CACNA1S: variants seen among roughly 807,000 people sequenced by gnomAD.
The protein encoded by CACNA1S is voltage-dependent L-type calcium channel subunit alpha-1S.
Under a neutral mutation model 207.4 loss-of-function variants are expected in CACNA1S, and 126 were observed. That is an observed-to-expected ratio of 0.61 (90% confidence interval 0.53 to 0.70). The LOEUF is 0.70. Among genes scored for constraint, CACNA1S ranks in the 30% least tolerant of loss-of-function variants. The probability of loss-of-function intolerance (pLI) is 0.00; values close to 1 mark genes in which losing one functional copy is unlikely to be tolerated. For synonymous variants in CACNA1S, 960 were observed against 932.7 expected (o/e 1.03, Z -0.53); for missense variants, 2,349 against 2,422.8 (o/e 0.97, Z 0.64).
At position 201,043,349 on chromosome 1, in the gene CACNA1S, A is replaced by G; in HGVS notation, c.4980T>C (p.Asn1660=). Residue 1660 remains asparagine (N), a synonymous_variant, in exon 40 of 44, where the codon AAT becomes AAC. Coordinates refer to ENST00000362061, the MANE Select transcript of CACNA1S (RefSeq NM_000069.3). ...CGACATTGGCGTTGGCATTGTTGGT[A>G]TTGGCACGAGCCAGGGGGTTGGTGC... The part of the protein sequence containing the change: ...DPRTNPLARA[N]TNNANANVAY... 1 of 1,614,146 alleles carries G rather than the reference A, an allele frequency of 6.2e-7. No homozygotes were observed. Among genetic ancestry groups the G allele is most frequent in the Non-Finnish European group, 8.5e-7 (1 of 1,180,024 alleles).
intron 22 of CACNA1S, among the ~76,000 whole-genome samples, chr1:201,064,050 A>G (rs563343312): frequency 1.3e-5 from 2 of 152,266 alleles, no homozygotes; most frequent in South Asian, 2.1e-4. Context: ...AAGCATGGCG[A>G]GAGTTGGGTG....
intron 10 of CACNA1S, among the ~76,000 whole-genome samples, chr1:201,081,952 C>T (rs1267165905): frequency 2.0e-5 from 3 of 152,066 alleles, no homozygotes; most frequent in Non-Finnish European, 4.4e-5. Context: ...AGATGCCAGC[C>T]CATGTTTTCT....
chr1:201,039,549 C>A lies in CACNA1S; in HGVS notation c.*282G>T. ...CAGGCCTGGAGATTTTAATGTCCTG[C>A]AGGTGGGAGTGGCCCTAGGCCAGAC... On this transcript the variant is annotated 3_prime_UTR_variant, in exon 44 of 44. Coordinates refer to ENST00000362061, the MANE Select transcript of CACNA1S (RefSeq NM_000069.3). 1 of 534,520 alleles carries A rather than the reference C, an allele frequency of 1.9e-6. No individual in the cohort carries two copies. Among genetic ancestry groups the A allele is most frequent in the South Asian group, 2.1e-5 (1 of 47,390 alleles). The allele number at this position is 534,520 out of a possible 1,614,324, so 33.1% of individuals were successfully genotyped here. A position where few individuals can be genotyped will look rare whatever the true frequency, so the allele number is the denominator to read the frequency against.
Position 201,060,786 on chromosome 1 carries a change from G to T in CACNA1S, c.3286C>A (p.Arg1096Ser). 6.2e-7 allele frequency: 1 copy of T among 1,614,182 alleles called. No homozygotes were observed. The highest frequency in any genetic ancestry group is 8.5e-7 in the Non-Finnish European group (1 of 1,180,030). The change falls in exon 26 of 44, where the codon CGC becomes AGC. Residue 1096 changes from arginine to serine, a missense_variant. Arg to Ser is a moderately radical substitution (Grantham distance 110, BLOSUM62 -1). Coordinates refer to ENST00000362061, the MANE Select transcript of CACNA1S (RefSeq NM_000069.3). Reference protein sequence around the residue: ...RQCVQYALKARPLRCYIPKNP... With the variant: ...RQCVQYALKASPLRCYIPKNP... ...TTGGGAATGTAGCACCTCAGTGGGC[G>T]GGCCTTCAGGGCATACTGTACACAT...
Position 201,052,645 on chromosome 1 carries a change from A to C in CACNA1S, c.3865T>G (p.Phe1289Val). The C allele has an allele frequency of 6.2e-7, 1 of 1,613,316 alleles. No individual in the cohort carries two copies. The highest frequency in any genetic ancestry group is 1.1e-5 in the South Asian group (1 of 91,072). Residue 1289 changes from phenylalanine (F) to valine (V), a missense_variant, in exon 32 of 44, where the codon TTT becomes GTT. Physicochemically the swap from Phe to Val is conservative, Grantham distance 50. Transcript: ENST00000362061. ...CCATCCACCAAGGCGATCTTCCCAAACATCTGCAAGTCACAAAGGGCCCTG... is the reference window on the plus strand; with the variant it reads ...CCATCCACCAAGGCGATCTTCCCAACCATCTGCAAGTCACAAAGGGCCCTG... The part of the protein sequence containing the change: ...FIYAVIGMQM[F>V]GKIALVDGTQ...
intron 38 of CACNA1S, among the ~76,000 whole-genome samples, chr1:201,046,187 T>TTATTTATCTATC (rs1553248475): frequency 3.3e-5 from 5 of 151,856 alleles, no homozygotes; most frequent in African/African-American, 7.3e-5. Context: ...ATTTATTTAT[T>TTATTTATCTATC]TATCTATCTT....
chr1:201,057,757 T>G (rs370521927), intron 28 of CACNA1S, among the ~76,000 whole-genome samples: 4 of 152,204 alleles, frequency 2.6e-5, no homozygotes, highest in African/African-American at 9.7e-5. Context: ...AGCCCAGGAC[T>G]TGGAGACCAG....
At chr1:201,062,218 A>C in intron 23 of CACNA1S, 128 bp from the exon 24 acceptor site, 5 of 1,233,484 alleles carry the variant, frequency 4.1e-6, no homozygotes, top group Non-Finnish European at 4.6e-6. Context: ...CCAAGGGGAC[A>C]CCGCTGGGCG....
intron 19 of CACNA1S, 123 bp from the exon 20 acceptor site, chr1:201,067,116 C>T (rs1239639918): frequency 2.8e-6 from 2 of 723,970 alleles, no homozygotes; most frequent in Non-Finnish European, 5.1e-6. Flanking sequence ...TTCCAGAAAT[C>T]TCTATATTTC....
At chr1:201,060,905 G>A in intron 25 of CACNA1S, 89 bp from the exon 26 acceptor site, 1 of 1,522,878 alleles carries the variant, frequency 6.6e-7, no homozygotes, top group African/African-American at 1.4e-5. Context: ...GGGCAAGTCA[G>A]GAGCAGCTGT....
At chr1:201,069,343 C>T in intron 18 of CACNA1S, 129 bp downstream of exon 18, 1 of 1,465,418 alleles carries the variant, frequency 6.8e-7, no homozygotes, top group Non-Finnish European at 9.4e-7. Flanking sequence ...CAGTCCTATC[C>T]CTGAGGAACT....
intron 41 of CACNA1S, among the ~76,000 whole-genome samples, 176 bp downstream of exon 41, chr1:201,041,327 CT>C (rs1286635348): frequency 6.6e-6 from 1 of 152,212 alleles, no homozygotes. Context: ...TGCTTCCCCC[CT>C]GGACAAGTAG....
chr1:201,054,605 A>T, intron 28 of CACNA1S, 44 bp from the exon 29 acceptor site: 1 of 1,527,714 alleles, frequency 6.5e-7, no homozygotes, highest in Non-Finnish European at 9.0e-7. Context: ...GAGGAGAGAG[A>T]GGAGGAGGGA....
chr1:201,108,726 C>T (rs1662990821), intron 2 of CACNA1S, among the ~76,000 whole-genome samples: 1 of 152,166 alleles, frequency 6.6e-6, no homozygotes, highest in Non-Finnish European at 1.5e-5. Context: ...AGATAGATTC[C>T]CATGGAAACC....
At chr1:201,048,808 A>T in intron 35 of CACNA1S, 124 bp from the exon 36 acceptor site, 2 of 889,466 alleles carry the variant, frequency 2.2e-6, no homozygotes, top group Non-Finnish European at 3.7e-6. Flanking sequence ...TCAGCTGACC[A>T]GGACATCCTT....
intron 5 of CACNA1S, among the ~76,000 whole-genome samples, chr1:201,090,204 C>A (rs183157094): frequency 6.6e-6 from 1 of 152,282 alleles, no homozygotes; most frequent in Admixed American, 6.5e-5. Context: ...TCTGTAGGGG[C>A]CCTGACCCCA....
Position 201,062,534 on chromosome 1 carries a change from G to T in CACNA1S, c.2854-20C>A. Reference sequence around the variant, plus strand: ...CTTCCCCTGCAGCCAGGAAGAGGGAGGGAGGGAGGGAGGCATGTTGTCATG... The same window carrying T: ...CTTCCCCTGCAGCCAGGAAGAGGGATGGAGGGAGGGAGGCATGTTGTCATG... On this transcript the variant is annotated intron_variant, in intron 22 of 43. Transcript: ENST00000362061. 1 of 1,595,024 alleles carries T rather than the reference G, an allele frequency of 6.3e-7. No homozygotes were observed. Among genetic ancestry groups the T allele is most frequent in the Non-Finnish European group, 8.6e-7 (1 of 1,163,500 alleles).
intron 41 of CACNA1S, 87 bp from the exon 42 acceptor site, chr1:201,040,800 C>A (rs934415394): frequency 1.2e-5 from 12 of 1,013,324 alleles, no homozygotes; most frequent in Middle Eastern, 5.8e-4. Flanking sequence ...GGCTGGCTAG[C>A]CACACTCTGT....
intron 22 of CACNA1S, 106 bp from the exon 23 acceptor site, chr1:201,062,620 C>T: frequency 9.8e-7 from 1 of 1,016,256 alleles, no homozygotes; most frequent in Non-Finnish European, 1.5e-6. Flanking sequence ...GGAAGGCAGG[C>T]ATCTGAAAAA....
Sources: allele counts gnomAD v4.1 joint callset (sites outside exome capture counted in the v4.1 genomes callset), GRCh38; gene constraint gnomAD v4.1.1; transcripts MANE v1.5; gene names NCBI Gene and HGNC (gene_info 2026-07-23, HGNC 2026-07-21).